ROR1: variants seen among roughly 807,000 people sequenced by gnomAD.
ROR1 encodes ROR family WNT receptor 1.
Under a neutral mutation model 78.8 loss-of-function variants are expected in ROR1, and 19 were observed. That is an observed-to-expected ratio of 0.24 (90% CI 0.17 to 0.35). ROR1 has a LOEUF of 0.35. ROR1 is among the 10% of genes least tolerant of loss of function. The pLI is 1.00. For synonymous variants in ROR1, 386 were observed against 433.6 expected (o/e 0.89, Z 1.36); for missense variants, 917 against 1,177.8 (o/e 0.78, Z 3.24).
chr1:63,834,732 C>T (rs1180718874), intron 1 of ROR1, among the ~76,000 whole-genome samples: 9 of 152,154 alleles, frequency 5.9e-5, no homozygotes, highest in Admixed American at 3.3e-4. Context: ...CATGTGGGAG[C>T]TCTTGTGCTT....
intron 2 of ROR1, among the ~76,000 whole-genome samples, chr1:64,042,846 C>A (rs1646755260): frequency 6.6e-6 from 1 of 152,156 alleles, no homozygotes; most frequent in African/African-American, 2.4e-5. Context: ...AAAGTGAATG[C>A]AGGTTGATAG....
At position 64,142,781 on chromosome 1, in the gene ROR1, T is replaced by C. The variant is rs193095463; in HGVS notation, c.1174+131T>C. The C allele has an allele frequency of 2.2e-3, 3,260 of 1,468,442 alleles. 8 individuals carry two copies. Among genetic ancestry groups the C allele is most frequent in the Non-Finnish European group, 2.5e-3 (2,840 of 1,114,670 alleles). The allele number at this position is 1,468,442 out of a possible 1,614,324, so 91.0% of individuals were successfully genotyped here. The stretch of plus-strand genomic sequence containing the variant: ...GTATTTGCTTGATCTCAATCTGGTT[T>C]TAGGGTAAACCTTGCCGTTTCTACA... On this transcript the variant is annotated intron_variant, in intron 7 of 8. Transcript: ENST00000371079.
intron 4 of ROR1, among the ~76,000 whole-genome samples, chr1:64,059,775 A>G (rs890773948): frequency 1.3e-5 from 2 of 152,010 alleles, no homozygotes; most frequent in Non-Finnish European, 2.9e-5. Flanking sequence ...GATTGGACAG[A>G]AATTTCCTTA....
At chr1:64,045,884 C>T (rs1336834723) in intron 2 of ROR1, among the ~76,000 whole-genome samples, 2 of 152,142 alleles carry the variant, frequency 1.3e-5, no homozygotes. Context: ...CTATACCCTA[C>T]CTCCCACTTA....
At chr1:64,067,776 G>T (rs745681679) in intron 4 of ROR1, among the ~76,000 whole-genome samples, 9 of 141,120 alleles carry the variant, frequency 6.4e-5, no homozygotes, top group Non-Finnish European at 1.4e-4. Context: ...GCAGTGGTGT[G>T]ACCTCGGCTC....
At chr1:63,848,266 G>A (rs1286347064) in intron 1 of ROR1, among the ~76,000 whole-genome samples, 2 of 152,154 alleles carry the variant, frequency 1.3e-5, no homozygotes, top group African/African-American at 4.8e-5. Flanking sequence ...GAAGCAAAAA[G>A]GCGTCTTCAT....
chr1:64,173,246 C>A (rs998447581), intron 8 of ROR1, among the ~76,000 whole-genome samples: 2 of 152,094 alleles, frequency 1.3e-5, no homozygotes, highest in African/African-American at 2.4e-5. Flanking sequence ...GCAAAGCAAA[C>A]CCCCCAAATT....
chr1:63,970,974 G>A (rs1183396199), intron 1 of ROR1, among the ~76,000 whole-genome samples: 1 of 152,188 alleles, frequency 6.6e-6, no homozygotes, highest in African/African-American at 2.4e-5. Flanking sequence ...AAAAGCAAAA[G>A]CGAGCCTGGC....
chr1:64,097,588 T>TATATATAA (rs1389160751), intron 4 of ROR1, among the ~76,000 whole-genome samples: 1 of 151,238 alleles, frequency 6.6e-6, no homozygotes, highest in African/African-American at 2.4e-5. Context: ...TATATATATA[T>TATATATAA]AAGGCCTTGA....
intron 1 of ROR1, among the ~76,000 whole-genome samples, chr1:63,849,717 C>A (rs1217413195): frequency 6.6e-6 from 1 of 152,098 alleles, no homozygotes; most frequent in East Asian, 1.9e-4. Flanking sequence ...ATAAAAATAA[C>A]TAAAGTGCTC....
intron 1 of ROR1, among the ~76,000 whole-genome samples, chr1:63,970,762 G>A (rs1208143189): frequency 6.6e-6 from 1 of 152,130 alleles, no homozygotes; most frequent in Non-Finnish European, 1.5e-5. Flanking sequence ...TCCCAACAAC[G>A]CTATGAGCAA....
chr1:63,831,238 C>T (rs1281660943), intron 1 of ROR1, among the ~76,000 whole-genome samples: 1 of 152,210 alleles, frequency 6.6e-6, no homozygotes, highest in Non-Finnish European at 1.5e-5. Flanking sequence ...CTCAGCTCTA[C>T]TAGGCAGTTT....
chr1:64,142,975 G>A (rs913275060), intron 7 of ROR1: 37 of 1,123,236 alleles, frequency 3.3e-5, no homozygotes, highest in African/African-American at 2.1e-4. Flanking sequence ...AATGGTCTGC[G>A]TCCAAGTGGA....
chr1:64,108,134 TGCCTGTAATCTCA>T (rs909111078), intron 4 of ROR1, among the ~76,000 whole-genome samples: 6 of 151,022 alleles, frequency 4.0e-5, no homozygotes, highest in African/African-American at 1.5e-4. Context: ...TGGTGGCTCA[TGCCTGTAATCTCA>T]GCACTTTGGG....
chr1:63,854,696 C>T (rs1160481480), intron 1 of ROR1, among the ~76,000 whole-genome samples: 1 of 152,116 alleles, frequency 6.6e-6, no homozygotes, highest in Non-Finnish European at 1.5e-5. Context: ...GTATCTGGCA[C>T]ATACAGATTG....
chr1:63,830,322 A>G (rs1210561587), intron 1 of ROR1, among the ~76,000 whole-genome samples: 2 of 152,156 alleles, frequency 1.3e-5, no homozygotes, highest in African/African-American at 4.8e-5. Flanking sequence ...TGCACCTTAC[A>G]CTGCTATAAA....
rs1650498399 is a variant in ROR1 at position 64,179,695 on chromosome 1, C to T, written c.*840C>T. On this transcript the variant is annotated 3_prime_UTR_variant, in exon 9 of 9. Coordinates refer to ENST00000371079, the MANE Select transcript of ROR1 (RefSeq NM_005012.4). ...AAAATGGCCCCACAGCCTAGATCAG[C>T]ATCTGTGGGAAAGGAAAAAGGGTTC... 1 of 152,150 alleles carries T rather than the reference C, an allele frequency of 6.6e-6. No individual in the cohort carries two copies. The highest frequency in any genetic ancestry group is 2.4e-5 in the African/African-American group (1 of 41,426). The allele number at this position is 152,150 out of a possible 1,614,324, so 9.4% of individuals were successfully genotyped here.
At chr1:63,980,614 A>G (rs956805399) in intron 1 of ROR1, among the ~76,000 whole-genome samples, 7 of 152,270 alleles carry the variant, frequency 4.6e-5, no homozygotes, top group Non-Finnish European at 8.8e-5. Flanking sequence ...CTGGATAGAC[A>G]TATACCTCCT....
In ROR1 at chr1:64,126,696, C is replaced by T. The variant is rs369453720; in HGVS notation, c.483-10673C>T. Among the ~76,000 whole-genome samples the T allele has an allele frequency of 3.9e-4, 59 of 152,214 alleles. 1 individual carries two copies. The South Asian group carries it at 5.8e-3, about 15-fold the overall frequency. ...GACCCTGGTCTTCTCATTTCCAGTC[C>T]GGTGACTTTTCCACTCAGCAATGCC... On this transcript the variant is annotated intron_variant, in intron 4 of 8. Transcript: ENST00000371079.
Sources: allele counts gnomAD v4.1 joint callset (sites outside exome capture counted in the v4.1 genomes callset), GRCh38; gene constraint gnomAD v4.1.1; transcripts MANE v1.5; gene names NCBI Gene and HGNC (gene_info 2026-07-23, HGNC 2026-07-21).